Variants in TBC1D5 observed in about 807,000 individuals in gnomAD.
TBC1D5 encodes TBC1 domain family member 5.
In TBC1D5, 75 loss-of-function variants were observed where a neutral mutation model predicts 100.3. That is an observed-to-expected ratio of 0.75 (90% CI 0.62 to 0.91). The LOEUF is 0.91. Ranked by LOEUF, TBC1D5 falls within the 40% of genes least tolerant of loss-of-function variation. The pLI is 0.00. For missense variants in TBC1D5, 910 were observed against 942.4 expected, an observed-to-expected ratio of 0.97 and a Z score of 0.45; for synonymous variants, 323 against 325.6, an observed-to-expected ratio of 0.99 and a Z score of 0.09.
chr3:17,178,162 T>C (rs1268374279), intron 19 of TBC1D5, among the ~76,000 whole-genome samples: 1 of 149,480 alleles, frequency 6.7e-6, no homozygotes, highest in Non-Finnish European at 1.5e-5. Flanking sequence ...GCCTCCTGGG[T>C]TCACGCCATT....
upstream of TBC1D5, chr3:17,742,619 G>A (rs1026478508): frequency 6.6e-6 from 1 of 152,196 alleles, no homozygotes; most frequent in African/African-American, 2.4e-5. Context: ...AGAACAGGGC[G>A]GGAGGGGGTG....
chr3:17,592,900 A>G (rs745516335), intron 2 of TBC1D5, among the ~76,000 whole-genome samples: 12 of 152,150 alleles, frequency 7.9e-5, no homozygotes, highest in Non-Finnish European at 1.6e-4. Flanking sequence ...TGGAAACTGA[A>G]TGTTTGACTA....
intron 16 of TBC1D5, among the ~76,000 whole-genome samples, chr3:17,256,301 A>G (rs1185647836): frequency 1.3e-5 from 2 of 151,388 alleles, no homozygotes; most frequent in African/African-American, 4.8e-5. Context: ...TTGAATTTCA[A>G]TGTTAAGCTT....
chr3:17,217,821 C>T (rs2073833123), intron 17 of TBC1D5, among the ~76,000 whole-genome samples: 1 of 151,998 alleles, frequency 6.6e-6, no homozygotes, highest in Admixed American at 6.6e-5. Flanking sequence ...TATCTTTTCA[C>T]TTTCTTAATG....
intron 13 of TBC1D5, chr3:17,338,607 A>G (rs1559665081): frequency 6.6e-6 from 1 of 152,234 alleles, no homozygotes. Flanking sequence ...GGAGATGAGT[A>G]TATTTTATCA....
intron 2 of TBC1D5, among the ~76,000 whole-genome samples, chr3:17,612,490 C>G (rs540378842): frequency 7.7e-4 from 117 of 151,756 alleles, no homozygotes; most frequent in Admixed American, 1.8e-3. Flanking sequence ...ATTAGTCGGG[C>G]ATGGTGGCAT....
At chr3:17,299,249 C>T (rs1179042651) in intron 14 of TBC1D5, among the ~76,000 whole-genome samples, 2 of 152,178 alleles carry the variant, frequency 1.3e-5, no homozygotes, top group Admixed American at 1.3e-4. Context: ...AGGGAAGATT[C>T]ATGTCCAGGG....
chr3:17,562,838 G>A (rs1378187643), intron 2 of TBC1D5, among the ~76,000 whole-genome samples: 1 of 152,086 alleles, frequency 6.6e-6, no homozygotes, highest in Admixed American at 6.5e-5. Context: ...AATTCCAAAG[G>A]GACTGTGAGA....
intron 3 of TBC1D5, among the ~76,000 whole-genome samples, chr3:17,458,181 A>G (rs1270559042): frequency 1.3e-5 from 2 of 152,120 alleles, no homozygotes; most frequent in Non-Finnish European, 2.9e-5. Flanking sequence ...AGCCTTCTCC[A>G]TGATCCTTCT....
intron 17 of TBC1D5, among the ~76,000 whole-genome samples, chr3:17,214,683 G>C (rs900255635): frequency 2.0e-5 from 3 of 150,456 alleles, no homozygotes; most frequent in African/African-American, 7.3e-5. Context: ...ATGGTTAAAT[G>C]ACTGGGTGTT....
At chr3:17,591,248 A>C (rs992209420) in intron 2 of TBC1D5, among the ~76,000 whole-genome samples, 6 of 137,422 alleles carry the variant, frequency 4.4e-5, no homozygotes, top group South Asian at 2.4e-4. Context: ...AAAAAAAAAA[A>C]AAAAAAAAAA....
At chr3:17,480,090 C>T (rs898261902) in intron 3 of TBC1D5, among the ~76,000 whole-genome samples, 2 of 152,232 alleles carry the variant, frequency 1.3e-5, no homozygotes, top group Non-Finnish European at 2.9e-5. Flanking sequence ...AGTCCGGGCA[C>T]TATTACGACC....
At chr3:17,233,489 T>A (rs1385819734) in intron 17 of TBC1D5, among the ~76,000 whole-genome samples, 196 bp downstream of exon 18, 1 of 152,186 alleles carries the variant, frequency 6.6e-6, no homozygotes, top group Non-Finnish European at 1.5e-5. Flanking sequence ...CACAGCCATA[T>A]TCGGCATCAC....
intron 13 of TBC1D5, among the ~76,000 whole-genome samples, chr3:17,362,242 A>C (rs530577408): frequency 6.6e-6 from 1 of 152,244 alleles, no homozygotes; most frequent in South Asian, 2.1e-4. Flanking sequence ...TATGTGACAC[A>C]AAAAACAATC....
chr3:17,336,460 T>C (rs2151285537), intron 13 of TBC1D5, among the ~76,000 whole-genome samples: 1 of 152,236 alleles, frequency 6.6e-6, no homozygotes, highest in Non-Finnish European at 1.5e-5. Flanking sequence ...GACTGCTGGC[T>C]TTTGGTTCTG....
chr3:17,419,273 G>A (rs1357333493), intron 4 of TBC1D5, among the ~76,000 whole-genome samples: 1 of 152,170 alleles, frequency 6.6e-6, no homozygotes, highest in Non-Finnish European at 1.5e-5. Context: ...ATGAACTGGT[G>A]TTAGCTCCTG....
intron 18 of TBC1D5, among the ~76,000 whole-genome samples, chr3:17,206,458 T>C (rs1287124341): frequency 6.6e-6 from 1 of 152,206 alleles, no homozygotes; most frequent in East Asian, 1.9e-4. Flanking sequence ...TCCAGTTTTC[T>C]AGAAGTAAGA....
intron 15 of TBC1D5, among the ~76,000 whole-genome samples, chr3:17,277,163 T>G (rs889707320): frequency 5.3e-5 from 8 of 152,226 alleles, no homozygotes; most frequent in Non-Finnish European, 1.2e-4. Context: ...GACATACATA[T>G]TTTATTCTCA....
intron 17 of TBC1D5, among the ~76,000 whole-genome samples, chr3:17,223,975 T>A (rs2074572785): frequency 6.6e-6 from 1 of 152,054 alleles, no homozygotes; most frequent in Non-Finnish European, 1.5e-5. Context: ...TATAATTAAA[T>A]TTAAATTTCT....
Sources: allele counts gnomAD v4.1 joint callset (sites outside exome capture counted in the v4.1 genomes callset), GRCh38; gene constraint gnomAD v4.1.1; transcripts MANE v1.5; gene names NCBI Gene and HGNC (gene_info 2026-07-23, HGNC 2026-07-21).